The following FAM168A variants were observed in gnomAD, a reference collection of about 807,000 sequenced individuals.
FAM168A encodes family with sequence similarity 168 member A.
A neutral mutation model predicts 28.5 loss-of-function variants in FAM168A; 3 were observed. That is an observed-to-expected ratio of 0.11 (90% CI 0.05 to 0.27). FAM168A has a LOEUF of 0.27. Among genes scored for constraint, FAM168A ranks in the 10% least tolerant of loss-of-function variants. FAM168A has a pLI of 1.00. For missense variants in FAM168A, 222 were observed against 311.5 expected, an observed-to-expected ratio of 0.71 and a Z score of 2.16; for synonymous variants, 122 against 124.2, an observed-to-expected ratio of 0.98 and a Z score of 0.12.
At chr11:73,595,696 T>C (rs1944433993) in intron 1 of FAM168A, among the ~76,000 whole-genome samples, 1 of 152,230 alleles carries the variant, frequency 6.6e-6, no homozygotes, top group African/African-American at 2.4e-5. Context: ...GAATTTCTGA[T>C]GAATAGGTGG....
chr11:73,550,015 A>C (rs1447269616), intron 1 of FAM168A, among the ~76,000 whole-genome samples: 6 of 152,250 alleles, frequency 3.9e-5, no homozygotes, highest in Admixed American at 3.9e-4. Context: ...AAAAATAAGA[A>C]GACTGGTTAA....
intron 1 of FAM168A, among the ~76,000 whole-genome samples, chr11:73,528,837 GCAA>G (rs755008034): frequency 4.9e-4 from 75 of 152,100 alleles, no homozygotes; most frequent in Non-Finnish European, 9.6e-4. Flanking sequence ...TGGCCCAGGA[GCAA>G]CAACATCAGC....
chr11:73,437,130 G>T (rs1351331651), intron 2 of FAM168A, among the ~76,000 whole-genome samples: 3 of 151,134 alleles, frequency 2.0e-5, no homozygotes, highest in African/African-American at 4.9e-5. Flanking sequence ...ACGGAGTCTT[G>T]CTCTGTCTCC....
At chr11:73,425,104 T>C in intron 3 of FAM168A, 2 of 1,298,856 alleles carry the variant, frequency 1.5e-6, no homozygotes, top group Non-Finnish European at 2.1e-6. Context: ...CAAAGTTGTA[T>C]ACATTGCAGT....
intron 1 of FAM168A, among the ~76,000 whole-genome samples, chr11:73,479,887 T>G (rs905510616): frequency 6.6e-6 from 1 of 152,212 alleles, no homozygotes; most frequent in Non-Finnish European, 1.5e-5. Context: ...TTCAACAGCT[T>G]AATTTCCCTT....
rs1866440151 is a variant in FAM168A, at chr11:73,403,006, CT to C, written c.*3756del. 6.6e-6 allele frequency: 1 copy of C among 152,206 alleles called. No individual in the cohort carries two copies. The highest frequency in any genetic ancestry group is 2.4e-5 in the African/African-American group (1 of 41,440). 9.4% of individuals were successfully genotyped at this position (152,206 alleles called of 1,614,324 possible). ...AAAGAGCAGAGGATTTGAAGAATCA[CT>C]TCCAAGCTGTGTGACCTTTTAGCAA... On this transcript the variant is annotated 3_prime_UTR_variant, in exon 8 of 8. Transcript: ENST00000356467.
chr11:73,507,644 C>T (rs185621969), intron 1 of FAM168A, among the ~76,000 whole-genome samples: 20 of 152,212 alleles, frequency 1.3e-4, no homozygotes, highest in Non-Finnish European at 2.8e-4. Context: ...ATTTCAAGTC[C>T]TGATAATATC....
intron 2 of FAM168A, among the ~76,000 whole-genome samples, chr11:73,431,163 G>A (rs923832839): frequency 6.6e-6 from 1 of 152,124 alleles, no homozygotes; most frequent in Non-Finnish European, 1.5e-5. Context: ...CCAAGATGGT[G>A]AAACCCCGTC....
chr11:73,413,564 T>A (rs1004905271), intron 4 of FAM168A, among the ~76,000 whole-genome samples: 2 of 152,182 alleles, frequency 1.3e-5, no homozygotes, highest in African/African-American at 4.8e-5. Flanking sequence ...GGAGACACAA[T>A]TTACTTATCT....
At chr11:73,414,382 A>G (rs1164206927) in intron 4 of FAM168A, among the ~76,000 whole-genome samples, 1 of 152,196 alleles carries the variant, frequency 6.6e-6, no homozygotes, top group African/African-American at 2.4e-5. Flanking sequence ...CCCTAATTTA[A>G]AGGAATATAT....
chr11:73,475,297 A>C (rs1867873636), intron 1 of FAM168A, among the ~76,000 whole-genome samples: 1 of 151,654 alleles, frequency 6.6e-6, no homozygotes, highest in Non-Finnish European at 1.5e-5. Flanking sequence ...AAAAATGGTA[A>C]ATTTTTCAAA....
intron 1 of FAM168A, among the ~76,000 whole-genome samples, chr11:73,571,516 G>A (rs1319647507): frequency 3.3e-5 from 5 of 152,158 alleles, no homozygotes; most frequent in South Asian, 2.1e-4. Flanking sequence ...CTGAGGTGCC[G>A]GGATTGCAGA....
At chr11:73,510,475 G>C (rs1855199878) in intron 1 of FAM168A, among the ~76,000 whole-genome samples, 1 of 152,118 alleles carries the variant, frequency 6.6e-6, no homozygotes, top group Admixed American at 6.5e-5. Flanking sequence ...TAAGTATTAG[G>C]TTAGTGCAAA....
chr11:73,504,004 CAA>C (rs1855061584), intron 1 of FAM168A, among the ~76,000 whole-genome samples: 1 of 152,156 alleles, frequency 6.6e-6, no homozygotes, highest in South Asian at 2.1e-4. Flanking sequence ...AAAATTAACT[CAA>C]GACGGATTAA....
At chr11:73,534,465 C>G (rs949247272) in intron 1 of FAM168A, among the ~76,000 whole-genome samples, 2 of 150,780 alleles carry the variant, frequency 1.3e-5, no homozygotes. Context: ...CGCAATGGTG[C>G]GATCGCAGTT....
intron 1 of FAM168A, among the ~76,000 whole-genome samples, chr11:73,539,509 T>C (rs1241181723): frequency 6.6e-6 from 1 of 152,056 alleles, no homozygotes; most frequent in African/African-American, 2.4e-5. Context: ...GACCTCATGA[T>C]CCACCCGCCT....
intron 1 of FAM168A, among the ~76,000 whole-genome samples, chr11:73,505,925 CA>C (rs1450745087): frequency 6.6e-6 from 1 of 152,202 alleles, no homozygotes; most frequent in African/African-American, 2.4e-5. Flanking sequence ...ACCCTTTTCA[CA>C]TCAGCTTCTG....
intron 2 of FAM168A, among the ~76,000 whole-genome samples, chr11:73,463,426 CA>C (rs1201597625): frequency 6.6e-6 from 1 of 152,060 alleles, no homozygotes; most frequent in African/African-American, 2.4e-5. Flanking sequence ...AAATGGGTTA[CA>C]GGGGAATGAT....
rs1866407491 is a variant in FAM168A at position 73,401,383 on chromosome 11, G to T, written c.*5380C>A. The T allele has an allele frequency of 6.6e-6, 1 of 152,142 alleles. No homozygotes were observed. Among genetic ancestry groups the T allele is most frequent in the Non-Finnish European group, 1.5e-5 (1 of 68,024 alleles). 9.4% of individuals were successfully genotyped at this position (152,142 alleles called of 1,614,324 possible). On this transcript the variant is annotated 3_prime_UTR_variant, in exon 8 of 8. Transcript: ENST00000356467. ...AGAGGCCTGGCCTTACCCCCCCTGG[G>T]TAAGGAGGAGCTTGAGTCACACCAT...
Sources: gnomAD v4.1 joint callset for allele counts (sites outside exome capture counted in the v4.1 genomes callset) on GRCh38, gnomAD v4.1.1 for gene constraint, MANE v1.5 for transcripts, NCBI Gene and HGNC (gene_info 2026-07-23, HGNC 2026-07-21) for gene names.